The following CCDC60 variants were observed in gnomAD, a reference collection of about 807,000 sequenced individuals.
CCDC60 encodes coiled-coil domain-containing protein 60.
CCDC60 carries 54 observed loss-of-function variants against 63.5 expected under a neutral mutation model. The ratio of observed to expected loss-of-function variants is 0.85; its 90% CI spans 0.68 to 1.07. The LOEUF is 1.07. Among genes scored for constraint, CCDC60 ranks in the 50% least tolerant of loss-of-function variants. The pLI, the probability that CCDC60 is intolerant of heterozygous loss-of-function variation, is 0.00. For missense variants in CCDC60, 651 were observed against 684.3 expected (o/e 0.95, Z 0.54); for synonymous variants, 206 against 238.8 (o/e 0.86, Z 1.27).
intron 2 of CCDC60, among the ~76,000 whole-genome samples, chr12:119,433,139 A>C (rs1950261552): frequency 1.6e-5 from 2 of 123,732 alleles, no homozygotes; most frequent in African/African-American, 6.2e-5. Flanking sequence ...ACTACAAATC[A>C]GGGCTCAGTT....
intron 5 of CCDC60, among the ~76,000 whole-genome samples, chr12:119,490,133 C>T (rs1316775434): frequency 6.6e-6 from 1 of 152,156 alleles, no homozygotes; most frequent in Non-Finnish European, 1.5e-5. Flanking sequence ...CTCTTGAAGA[C>T]ATTTATTACC....
Position 119,416,119 on chromosome 12 carries a change from C to T in CCDC60, c.91-12564C>T, listed in dbSNP as rs113325748. Among the ~76,000 whole-genome samples, 433 of 152,248 alleles carry T rather than the reference C, an allele frequency of 2.8e-3. 2 individuals are homozygous for T. Among genetic ancestry groups the T allele is most frequent in the Admixed American group, 8.0e-3 (123 of 15,298 alleles). ...AGTGTTGGCGAGGCGTAGTGGTTCACGCCTGTAATCCCAGCATTCTAGGAG... is the reference window on the plus strand; with the variant it reads ...AGTGTTGGCGAGGCGTAGTGGTTCATGCCTGTAATCCCAGCATTCTAGGAG... On this transcript the variant is annotated intron_variant, in intron 1 of 13. Transcript: ENST00000327554.
chr12:119,428,198 G>C (rs1383820979), intron 1 of CCDC60, among the ~76,000 whole-genome samples: 1 of 152,090 alleles, frequency 6.6e-6, no homozygotes. Flanking sequence ...TCTTTACATT[G>C]ACAAGATTCA....
chr12:119,483,052 C>T (rs1204190911), intron 4 of CCDC60, among the ~76,000 whole-genome samples: 2 of 152,146 alleles, frequency 1.3e-5, no homozygotes, highest in African/African-American at 4.8e-5. Flanking sequence ...TTGCATTTTC[C>T]ATCTGTGAAC....
intron 1 of CCDC60, among the ~76,000 whole-genome samples, chr12:119,361,839 A>G (rs1268705564): frequency 2.0e-5 from 3 of 152,252 alleles, no homozygotes; most frequent in African/African-American, 7.2e-5. Flanking sequence ...GTGGAATATT[A>G]TGCAGCCACT....
rs1298029113 is a variant in CCDC60 at position 119,523,741 on chromosome 12, C to T, written c.1152C>T (p.Asn384=). Residue 384 remains asparagine (N), a synonymous_variant, in exon 11 of 14, where the codon AAC becomes AAT. Coordinates refer to ENST00000327554, the MANE Select transcript of CCDC60 (RefSeq NM_178499.5). ...INIHYKSGVC[N]TMRAKFYSVA... The stretch of plus-strand genomic sequence containing the variant: ...TCCACTACAAGAGTGGGGTGTGTAA[C>T]ACCATGAGGGCCAAGTTTTACAGCG... The T allele has an allele frequency of 3.1e-6, 5 of 1,614,200 alleles. No homozygotes were observed. In the African/African-American group the frequency reaches 5.3e-5, roughly 17 times the overall value.
chr12:119,346,774 C>CTCTTTCTTTCTTTCTTTCTTTCTTTCTT (rs61270891), intron 1 of CCDC60, among the ~76,000 whole-genome samples: 3 of 125,294 alleles, frequency 2.4e-5, no homozygotes, highest in East Asian at 2.3e-4. Flanking sequence ...ACTCATCTTT[C>CTCTTTCTTTCTTTCTTTCTTTCTTTCTT]TCTTTCTTTC....
At chr12:119,357,159 T>G (rs1448997822) in intron 1 of CCDC60, among the ~76,000 whole-genome samples, 1 of 152,240 alleles carries the variant, frequency 6.6e-6, no homozygotes, top group Non-Finnish European at 1.5e-5. Flanking sequence ...CAGGTGATAT[T>G]TTGTTATATG....
chr12:119,447,516 G>C (rs115423022), intron 2 of CCDC60, among the ~76,000 whole-genome samples: 4 of 152,122 alleles, frequency 2.6e-5, no homozygotes, highest in African/African-American at 7.2e-5. Context: ...AATTGTTGGT[G>C]TGCCCTGGAA....
At position 119,471,976 on chromosome 12, in the gene CCDC60, C is replaced by T. The variant is rs1432901019; in HGVS notation, c.171-18C>T. On this transcript the variant is annotated intron_variant, in intron 2 of 13. Coordinates refer to ENST00000327554, the MANE Select transcript of CCDC60 (RefSeq NM_178499.5). ...CACCTTCCTCCCTCTCTCCCTCTTCCTCCCTGCATGTCTCCAGCTTTTTGA... is the reference window on the plus strand; with the variant it reads ...CACCTTCCTCCCTCTCTCCCTCTTCTTCCCTGCATGTCTCCAGCTTTTTGA... 6.2e-7 allele frequency: 1 copy of T among 1,608,006 alleles called. No individual in the cohort carries two copies. The highest frequency in any genetic ancestry group is 8.5e-7 in the Non-Finnish European group (1 of 1,176,540).
intron 1 of CCDC60, among the ~76,000 whole-genome samples, chr12:119,400,759 C>T (rs1229599958): frequency 6.6e-6 from 1 of 152,218 alleles, no homozygotes; most frequent in Non-Finnish European, 1.5e-5. Flanking sequence ...TCATGGACCA[C>T]GGCTTGAGCA....
chr12:119,448,109 C>T (rs1950573069), intron 2 of CCDC60, among the ~76,000 whole-genome samples: 1 of 151,520 alleles, frequency 6.6e-6, no homozygotes, highest in South Asian at 2.1e-4. Flanking sequence ...AGCATGATGC[C>T]TATAGTAACA....
At chr12:119,478,363 C>A (rs933752313) in intron 3 of CCDC60, among the ~76,000 whole-genome samples, 4 of 151,264 alleles carry the variant, frequency 2.6e-5, no homozygotes, top group Non-Finnish European at 5.9e-5. Flanking sequence ...AACAACCACC[C>A]CCCCCCAAAA....
intron 13 of CCDC60, 42 bp downstream of exon 13, chr12:119,531,105 CTCAT>C: frequency 2.6e-6 from 4 of 1,540,152 alleles, no homozygotes; most frequent in Non-Finnish European, 3.6e-6. Flanking sequence ...TTCAGGTGTC[CTCAT>C]TCAATCACCT....
intron 2 of CCDC60, among the ~76,000 whole-genome samples, chr12:119,458,709 G>C (rs1210287038): frequency 6.6e-6 from 1 of 151,204 alleles, no homozygotes; most frequent in Non-Finnish European, 1.5e-5. Flanking sequence ...CTCAAGATAA[G>C]AATGTCCAAT....
rs894773285 is a variant in CCDC60, at chr12:119,456,189, C to A, written c.171-15805C>A. Among the ~76,000 whole-genome samples, 5 of 151,972 alleles carry A rather than the reference C, an allele frequency of 3.3e-5. No individual in the cohort carries two copies. Among genetic ancestry groups the A allele is most frequent in the African/African-American group, 1.2e-4 (5 of 41,360 alleles). On this transcript the variant is annotated intron_variant, in intron 2 of 13. Coordinates refer to ENST00000327554, the MANE Select transcript of CCDC60 (RefSeq NM_178499.5). The surrounding 1 kb of genome is among the most constrained non-coding windows in gnomAD (Gnocchi z 4.6). ...GGAGAAGGAAGGACTCAGGACTTCA[C>A]CCTGAGAACAGTAGGAAGCCATTAG...
chr12:119,384,674 A>T (rs1412002055), intron 1 of CCDC60, among the ~76,000 whole-genome samples: 1 of 152,174 alleles, frequency 6.6e-6, no homozygotes. Flanking sequence ...GTCTGCAGAG[A>T]GCTGCAAGGG....
intron 9 of CCDC60, among the ~76,000 whole-genome samples, chr12:119,520,932 G>A (rs1044331279): frequency 6.6e-6 from 1 of 152,140 alleles, no homozygotes; most frequent in African/African-American, 2.4e-5. Context: ...AACACAGCCT[G>A]CCCTCATGGA....
At chr12:119,427,959 G>C (rs1269413329) in intron 1 of CCDC60, among the ~76,000 whole-genome samples, 1 of 152,176 alleles carries the variant, frequency 6.6e-6, no homozygotes, top group Non-Finnish European at 1.5e-5. Context: ...TCCAGCCTCA[G>C]TGACAGTGTG....
Sources: allele counts gnomAD v4.1 joint callset (sites outside exome capture counted in the v4.1 genomes callset), GRCh38; gene constraint gnomAD v4.1.1; non-coding constraint Gnocchi (gnomAD v3.1); transcripts MANE v1.5; gene names NCBI Gene and HGNC (gene_info 2026-07-23, HGNC 2026-07-21).